The following COL6A3 variants were observed in gnomAD, a reference collection of about 807,000 sequenced individuals.
COL6A3 encodes collagen alpha-3(VI) chain.
A neutral mutation model predicts 274.1 loss-of-function variants in COL6A3; 137 were observed. That is an observed-to-expected ratio of 0.50 (90% confidence interval 0.44 to 0.58). The LOEUF (loss-of-function observed/expected upper bound fraction) is 0.58. Among genes scored for constraint, COL6A3 ranks in the 20% least tolerant of loss-of-function variants. The pLI is 0.00. For synonymous variants in COL6A3, 1,650 were observed against 1,650.6 expected (o/e 1.00, Z 0.01); for missense variants, 3,950 against 4,124.9 (o/e 0.96, Z 1.16).
intron 39 of COL6A3, among the ~76,000 whole-genome samples, chr2:237,337,927 C>T (rs1259362737): frequency 6.6e-6 from 1 of 152,216 alleles, no homozygotes; most frequent in Non-Finnish European, 1.5e-5. Flanking sequence ...CTATTATTAC[C>T]ATCATTACAT....
Position 237,396,831 on chromosome 2 carries a change from A to G in COL6A3, c.-14T>C, listed in dbSNP as rs774696493. The G allele has an allele frequency of 1.3e-5, 21 of 1,612,900 alleles. No homozygotes were observed. The highest frequency in any genetic ancestry group is 4.0e-5 in the African/African-American group (3 of 74,908). ...ATGTTTCCTCATTTTGAATTTGTCT[A>G]AGCACCAAATATGAACCTAAAAGAG... On this transcript the variant is annotated 5_prime_UTR_variant, in exon 2 of 44. Transcript: ENST00000295550.
Position 237,348,630 on chromosome 2 carries a change from C to T in COL6A3, c.6913G>A (p.Gly2305Arg). Residue 2305 changes from glycine to arginine, a missense_variant, in exon 29 of 44, where the codon GGA becomes AGA. By Grantham distance (125) the Gly-to-Arg change is moderately radical (BLOSUM62 -2). Coordinates refer to ENST00000295550, the MANE Select transcript of COL6A3 (RefSeq NM_004369.4). Reference sequence around the variant, plus strand: ...ATACGTACTTTTTTGCCTCTGCGTCCTTCACTGCCAACTCCGTCTCTCCCG... The same window carrying T: ...ATACGTACTTTTTTGCCTCTGCGTCTTTCACTGCCAACTCCGTCTCTCCCG... ...DDGRDGVGSE[G>R]RRGKKGERGF... 1 of 1,614,194 alleles carries T rather than the reference C, an allele frequency of 6.2e-7. No individual in the cohort carries two copies. Among genetic ancestry groups the T allele is most frequent in the Non-Finnish European group, 8.5e-7 (1 of 1,180,032 alleles).
intron 38 of COL6A3, 25 bp downstream of exon 38, chr2:237,340,427 A>C: frequency 6.2e-7 from 1 of 1,605,500 alleles, no homozygotes; most frequent in South Asian, 1.1e-5. Flanking sequence ...AGGCCAGGGC[A>C]CATGCTGTGC....
chr2:237,329,314 C>A (rs1700106874), intron 42 of COL6A3: 1 of 152,230 alleles, frequency 6.6e-6, no homozygotes, highest in Non-Finnish European at 1.5e-5. Flanking sequence ...CTCAGCCTCC[C>A]AAAGTGCAGG....
rs2077988771 is a variant in COL6A3, at chr2:237,380,996, C to A, written c.1816G>T (p.Ala606Ser). The A allele has an allele frequency of 1.9e-6, 3 of 1,614,212 alleles. No individual in the cohort carries two copies. Among genetic ancestry groups the A allele is most frequent in the African/African-American group, 2.7e-5 (2 of 75,056 alleles). Residue 606 changes from alanine (A) to serine (S), a missense_variant, in exon 5 of 44, where the codon GCT (alanine) becomes TCT (serine). Ala to Ser is a moderately conservative substitution (Grantham distance 99, BLOSUM62 1). Transcript: ENST00000295550. The part of the protein sequence containing the change: ...AFDSSLVFIP[A>S]EFRAAPLQGM... ...TGCAATGGGGCGGCTCGGAACTCAGCTGGGATGAACACCAGGGAGGAGTCG... is the reference window on the plus strand; with the variant it reads ...TGCAATGGGGCGGCTCGGAACTCAGATGGGATGAACACCAGGGAGGAGTCG...
At chr2:237,360,992 T>C in intron 16 of COL6A3, 129 bp downstream of exon 16, 2 of 798,744 alleles carry the variant, frequency 2.5e-6, no homozygotes, top group Admixed American at 1.9e-5. Flanking sequence ...AAGAAAAGTA[T>C]AAATTAATTT....
rs767221995 is a variant in COL6A3 at position 237,372,102 on chromosome 2, C to A, written c.3915G>T (p.Lys1305Asn). Residue 1305 changes from lysine (K) to asparagine (N), a missense_variant, in exon 9 of 44, where the codon AAG (lysine) becomes AAT (asparagine). Lys to Asn is a moderately conservative substitution (Grantham distance 94). This residue lies in a region of COL6A3 where 1,934 missense variants were observed against 1,984.3 expected (regional missense o/e 0.97). Transcript: ENST00000295550. Reference protein sequence around the residue: ...VQNAVQRLRPKGGRQINVGNA... With the variant: ...VQNAVQRLRPNGGRQINVGNA... Reference sequence around the variant, plus strand: ...TGCCCACGTTGATCTGCCGCCCTCCCTTGGGCCTCAGCCGCTGCACCGCGT... The same window carrying A: ...TGCCCACGTTGATCTGCCGCCCTCCATTGGGCCTCAGCCGCTGCACCGCGT... The A allele has an allele frequency of 2.5e-6, 4 of 1,614,078 alleles. No individual in the cohort carries two copies. Among genetic ancestry groups the A allele is most frequent in the Non-Finnish European group, 3.4e-6 (4 of 1,180,040 alleles).
At chr2:237,360,199 TTCA>T (rs772133172) in intron 16 of COL6A3, 40 bp from the exon 17 acceptor site, 6 of 1,588,918 alleles carry the variant, frequency 3.8e-6, no homozygotes, top group East Asian at 2.2e-5. Flanking sequence ...GCTGGAGCCC[TTCA>T]TCACCCTTTC....
In COL6A3 at chr2:237,324,373, TA is replaced by T; in HGVS notation, c.*400del. ...CTTCCCATCTAAAGTCATGCTTAAC[TA>T]AAAGGGAAAAAAAATGAACCAAGCA... is the stretch of plus-strand genomic sequence containing the variant. On this transcript the variant is annotated 3_prime_UTR_variant, in exon 44 of 44. Coordinates refer to ENST00000295550, the MANE Select transcript of COL6A3 (RefSeq NM_004369.4). The T allele has an allele frequency of 5.8e-6, 1 of 172,836 alleles. No individual in the cohort carries two copies. Among genetic ancestry groups the T allele is most frequent in the Non-Finnish European group, 1.2e-5 (1 of 80,238 alleles). The allele number at this position is 172,836 out of a possible 1,614,324, so 10.7% of individuals were successfully genotyped here.
chr2:237,373,606 C>T (rs2077750349), intron 8 of COL6A3, among the ~76,000 whole-genome samples: 1 of 152,164 alleles, frequency 6.6e-6, no homozygotes, highest in Admixed American at 6.5e-5. Flanking sequence ...TTCCTCCGCT[C>T]CTCCCCAACT....
In COL6A3 at chr2:237,395,028, C is replaced by T. The variant is rs2078397365; in HGVS notation, c.268G>A (p.Glu90Lys). Residue 90 changes from glutamate (E) to lysine (K), a missense_variant, in exon 3 of 44, where the codon GAG becomes AAG. Physicochemically the swap from Glu to Lys is moderately conservative, Grantham distance 56. Around this residue, in one of 5 missense-constraint regions of COL6A3, gnomAD observed 1,934 missense variants for 1,984.3 expected, o/e 0.97. Coordinates refer to ENST00000295550, the MANE Select transcript of COL6A3 (RefSeq NM_004369.4). The part of the protein sequence containing the change: ...LVQFNGNPHT[E>K]FLLNTYRTKQ... ...GTACGATACGTATTTAACAGGAACTCGGTATGTGGGTTTCCGTTGAACTGG... is the reference window on the plus strand; with the variant it reads ...GTACGATACGTATTTAACAGGAACTTGGTATGTGGGTTTCCGTTGAACTGG... The T allele has an allele frequency of 2.5e-6, 4 of 1,613,946 alleles. No individual in the cohort carries two copies. Among genetic ancestry groups the T allele is most frequent in the African/African-American group, 2.7e-5 (2 of 74,914 alleles).
intron 31 of COL6A3, 113 bp from the exon 32 acceptor site, chr2:237,346,678 C>T (rs1005099993): frequency 6.5e-6 from 6 of 916,884 alleles, no homozygotes; most frequent in Admixed American, 2.0e-5. Flanking sequence ...TCCATCACCA[C>T]GAAAAATCTC....
intron 1 of COL6A3, among the ~76,000 whole-genome samples, chr2:237,405,579 C>T (rs1183364905): frequency 6.6e-6 from 1 of 152,000 alleles, no homozygotes; most frequent in Non-Finnish European, 1.5e-5. Context: ...GATTTCACGC[C>T]CTCCTCCCAA....
intron 1 of COL6A3, 47 bp from the exon 2 acceptor site, chr2:237,396,894 A>G (rs1326583639): frequency 2.3e-6 from 3 of 1,318,226 alleles, no homozygotes; most frequent in Non-Finnish European, 3.3e-6. Context: ...TTTGACTCTC[A>G]TTATGCAAAA....
At position 237,377,338 on chromosome 2, in the gene COL6A3, T is replaced by G. The variant is rs2077876310; in HGVS notation, c.2504A>C (p.Lys835Thr). 3 of 1,599,912 alleles carry G rather than the reference T, an allele frequency of 1.9e-6. No homozygotes were observed. Among genetic ancestry groups the G allele is most frequent in the Non-Finnish European group, 2.5e-6 (3 of 1,179,960 alleles). ...GTCAAAGAGGAACAGAATGTCTCGC[T>G]TGCTCTCTGCAATGAAGGTAGATTA... ...EEVPLAQPESKRDILFLFDGS... is the reference protein window; with the variant it reads ...EEVPLAQPESTRDILFLFDGS... The change falls in exon 7 of 44, where the codon AAG becomes ACG. Residue 835 changes from lysine (K) to threonine (T), a missense_variant. This residue lies in a region of COL6A3 where 1,934 missense variants were observed against 1,984.3 expected (regional missense o/e 0.97). Coordinates refer to ENST00000295550, the MANE Select transcript of COL6A3 (RefSeq NM_004369.4).
intron 18 of COL6A3, 42 bp from the exon 19 acceptor site, chr2:237,359,292 T>C: frequency 6.2e-7 from 1 of 1,614,040 alleles, no homozygotes; most frequent in Non-Finnish European, 8.5e-7. Context: ...AGAAAGCTAT[T>C]CTGGCAAAGG....
At chr2:237,378,129 TAA>T (rs1016484914) in intron 6 of COL6A3, among the ~76,000 whole-genome samples, 74 of 152,326 alleles carry the variant, frequency 4.9e-4, no homozygotes, top group African/African-American at 1.6e-3. Flanking sequence ...ATAATAATAA[TAA>T]GTTAGCCTTC....
chr2:237,411,491 G>A (rs754365467), intron 1 of COL6A3, among the ~76,000 whole-genome samples: 10 of 152,190 alleles, frequency 6.6e-5, no homozygotes, highest in South Asian at 2.1e-4. Context: ...CAAAGAAGGC[G>A]GTCTTGTTTC....
chr2:237,333,436 G>T lies in COL6A3; in HGVS notation c.9328+14C>A, dbSNP rs1171835951. 1 of 1,610,160 alleles carries T rather than the reference G, an allele frequency of 6.2e-7. No homozygotes were observed. Among genetic ancestry groups the T allele is most frequent in the Non-Finnish European group, 8.5e-7 (1 of 1,176,450 alleles). ...CTTAGTGCCATTAATGGACCTAATA[G>T]TTTCACAACTCACCTGTTTCAGTGA... On this transcript the variant is annotated intron_variant, in intron 42 of 43. Coordinates refer to ENST00000295550, the MANE Select transcript of COL6A3 (RefSeq NM_004369.4).
Sources: allele counts gnomAD v4.1 joint callset (sites outside exome capture counted in the v4.1 genomes callset), GRCh38; gene constraint gnomAD v4.1.1; regional missense constraint gnomAD v4.1.1; transcripts MANE v1.5; gene names NCBI Gene and HGNC (gene_info 2026-07-23, HGNC 2026-07-21).